RHOBTB1: variants seen among roughly 807,000 people sequenced by gnomAD.
The protein encoded by RHOBTB1 is Rho related BTB domain containing 1.
RHOBTB1 carries 40 observed loss-of-function variants against 71.6 expected under a neutral mutation model. That is an observed-to-expected ratio of 0.56 (90% CI 0.43 to 0.73). The LOEUF is 0.73. RHOBTB1 is among the 30% of genes least tolerant of loss of function. The pLI, the probability that RHOBTB1 is intolerant of heterozygous loss-of-function variation, is 0.00. For missense variants in RHOBTB1, 797 were observed against 894.0 expected (o/e 0.89, Z 1.38); for synonymous variants, 319 against 334.9 (o/e 0.95, Z 0.52).
chr10:60,942,907 C>T lies in RHOBTB1; in HGVS notation c.-61-1053G>A, dbSNP rs146552574. Reference sequence around the variant, plus strand: ...GTATGTTAGTGCAGAACGTACACCACCGCAGCGGTTGGGGGTGGGGGAGCC... The same window carrying T: ...GTATGTTAGTGCAGAACGTACACCATCGCAGCGGTTGGGGGTGGGGGAGCC... On this transcript the variant is annotated intron_variant, in intron 1 of 10. Coordinates refer to ENST00000337910, the MANE Select transcript of RHOBTB1 (RefSeq NM_014836.5). 2.0e-3 allele frequency among the ~76,000 whole-genome samples: 301 copies of T among 151,390 alleles called. 1 individual carries two copies. Among genetic ancestry groups the T allele is most frequent in the Non-Finnish European group, 3.9e-3 (265 of 67,978 alleles).
intron 2 of RHOBTB1, among the ~76,000 whole-genome samples, chr10:60,979,928 G>A (rs778255914): frequency 5.9e-5 from 9 of 152,114 alleles, no homozygotes; most frequent in Admixed American, 1.3e-4. Context: ...AGGTCATAAG[G>A]CAGAAACACA....
rs927878321 is a variant in RHOBTB1, at chr10:60,989,052, A to AT, written c.-162-3108dup. Among the ~76,000 whole-genome samples the AT allele has an allele frequency of 3.9e-5, 6 of 152,304 alleles. No individual in the cohort carries two copies. The South Asian group carries it at 6.2e-4, about 16-fold the overall frequency. On this transcript the variant is annotated intron_variant, in intron 1 of 11. Coordinates refer to the RHOBTB1 transcript ENST00000357917. ...TCTAAAAATTATAGGAGATTAAAGGATTTTTTTCAGTCAAATATCACTGTG... is the reference window on the plus strand; with the variant it reads ...TCTAAAAATTATAGGAGATTAAAGGATTTTTTTTCAGTCAAATATCACTGTG...
chr10:60,907,313 G>A (rs954997522), intron 4 of RHOBTB1, among the ~76,000 whole-genome samples: 4 of 152,152 alleles, frequency 2.6e-5, no homozygotes, highest in African/African-American at 9.7e-5. Context: ...CCTTAAATGT[G>A]GACATTTCAT....
chr10:60,982,420 A>G (rs770748437), intron 2 of RHOBTB1, among the ~76,000 whole-genome samples: 4 of 152,192 alleles, frequency 2.6e-5, no homozygotes, highest in Non-Finnish European at 5.9e-5. Context: ...TGTATTGTGT[A>G]TCAGGCATTG....
chr10:60,987,919 CTTTTTTT>C (rs71018937), intron 1 of RHOBTB1, among the ~76,000 whole-genome samples: 19 of 53,734 alleles, frequency 3.5e-4, no homozygotes, highest in African/African-American at 1.1e-3. Context: ...AAATACTCAA[CTTTTTTT>C]TTTTTTTTTT....
intron 4 of RHOBTB1, among the ~76,000 whole-genome samples, chr10:60,908,500 C>CA: frequency 6.6e-6 from 1 of 151,886 alleles, no homozygotes; most frequent in Non-Finnish European, 1.5e-5. Flanking sequence ...TTTGCAAAAA[C>CA]AAAAAAGGTT....
intron 9 of RHOBTB1, among the ~76,000 whole-genome samples, chr10:60,872,537 G>T (rs1341061879): frequency 6.6e-6 from 1 of 152,146 alleles, no homozygotes; most frequent in East Asian, 1.9e-4. Context: ...CGAATCACGA[G>T]CTTAAAGTAT....
chr10:60,996,768 C>A (rs982487558), intron 1 of RHOBTB1, among the ~76,000 whole-genome samples: 1 of 152,068 alleles, frequency 6.6e-6, no homozygotes, highest in Non-Finnish European at 1.5e-5. Flanking sequence ...AAATATTATA[C>A]GGGAGACACA....
intron 2 of RHOBTB1, among the ~76,000 whole-genome samples, chr10:60,984,458 A>C (rs2086598583): frequency 6.6e-6 from 1 of 152,234 alleles, no homozygotes; most frequent in African/African-American, 2.4e-5. Context: ...TATTACATGA[A>C]CATATTTGAA....
intron 8 of RHOBTB1, among the ~76,000 whole-genome samples, chr10:60,875,996 C>T (rs566756538): frequency 2.6e-5 from 4 of 152,320 alleles, no homozygotes; most frequent in Admixed American, 6.5e-5. Context: ...TTACTTTCTG[C>T]TCCAGCTCTG....
At chr10:60,950,538 G>A (rs1402019077) in intron 2 of RHOBTB1, among the ~76,000 whole-genome samples, 2 of 152,150 alleles carry the variant, frequency 1.3e-5, no homozygotes, top group Non-Finnish European at 2.9e-5. Context: ...AAGCGGTATT[G>A]TATTTTGGCC....
chr10:60,962,850 T>C (rs2085830783), intron 2 of RHOBTB1, among the ~76,000 whole-genome samples: 1 of 152,166 alleles, frequency 6.6e-6, no homozygotes, highest in African/African-American at 2.4e-5. Flanking sequence ...ACACTGACAA[T>C]ACTGTGATTT....
chr10:60,965,976 A>G (rs1250527316), intron 2 of RHOBTB1, among the ~76,000 whole-genome samples: 6 of 152,178 alleles, frequency 3.9e-5, no homozygotes, highest in African/African-American at 1.4e-4. Flanking sequence ...AATAACAGGA[A>G]TCTTACAGAC....
At chr10:60,980,878 C>T (rs897251311) in intron 2 of RHOBTB1, among the ~76,000 whole-genome samples, 2 of 152,098 alleles carry the variant, frequency 1.3e-5, no homozygotes, top group Non-Finnish European at 2.9e-5. Context: ...AATGCCCATT[C>T]AAAGAGCCAC....
intron 2 of RHOBTB1, among the ~76,000 whole-genome samples, chr10:60,937,877 A>T (rs1330258879): frequency 6.6e-6 from 1 of 152,184 alleles, no homozygotes; most frequent in Admixed American, 6.5e-5. Context: ...AAGAGAGCTA[A>T]CCCTTACTGA....
chr10:60,900,413 GA>G (rs1439801113), intron 4 of RHOBTB1, among the ~76,000 whole-genome samples: 2 of 152,154 alleles, frequency 1.3e-5, no homozygotes, highest in Non-Finnish European at 2.9e-5. Context: ...AAAGAGTTCA[GA>G]ATAATGATAA....
intron 1 of RHOBTB1, chr10:61,001,389 C>T (rs1351176801): frequency 2.6e-5 from 4 of 151,878 alleles, no homozygotes; most frequent in Admixed American, 2.6e-4. Context: ...CCCCGCGACG[C>T]CCGCGCTACC....
downstream of RHOBTB1, among the ~76,000 whole-genome samples, chr10:60,869,084 A>G (rs2080663311): frequency 6.6e-6 from 1 of 152,212 alleles, no homozygotes; most frequent in African/African-American, 2.4e-5. Context: ...GAACTCAGCA[A>G]CTCAGACCTA....
At chr10:60,943,717 T>C (rs931451517) in intron 1 of RHOBTB1, among the ~76,000 whole-genome samples, 16 of 152,052 alleles carry the variant, frequency 1.1e-4, no homozygotes, top group African/African-American at 3.9e-4. Flanking sequence ...AGCTCCAAGT[T>C]AGGGGTGCGG....
Sources: allele counts gnomAD v4.1 joint callset (sites outside exome capture counted in the v4.1 genomes callset), GRCh38; gene constraint gnomAD v4.1.1; transcripts MANE v1.5; gene names NCBI Gene and HGNC (gene_info 2026-07-23, HGNC 2026-07-21).